PDGFB: variants seen among roughly 807,000 people sequenced by gnomAD.
The protein encoded by PDGFB is platelet-derived growth factor subunit B.
In PDGFB, 6 loss-of-function variants were observed where a neutral mutation model predicts 29.0. That is an observed-to-expected ratio of 0.21 (90% CI 0.11 to 0.41). PDGFB has a LOEUF of 0.41. Ranked by LOEUF, PDGFB falls within the 10% of genes least tolerant of loss-of-function variation. The pLI is 1.00. For synonymous variants in PDGFB, 144 were observed against 140.8 expected (o/e 1.02, Z -0.16); for missense variants, 299 against 341.8 (o/e 0.87, Z 0.99).
intron 5 of PDGFB, among the ~76,000 whole-genome samples, chr22:39,226,925 GT>G (rs1932180965): frequency 6.6e-6 from 1 of 152,210 alleles, no homozygotes; most frequent in South Asian, 2.1e-4. Context: ...ATTGGAGCAA[GT>G]CACTTAACTG....
At chr22:39,233,252 G>T (rs945468229) in intron 3 of PDGFB, among the ~76,000 whole-genome samples, 183 bp downstream of exon 3, 1 of 152,222 alleles carries the variant, frequency 6.6e-6, no homozygotes, top group Non-Finnish European at 1.5e-5. Context: ...GCGAGGGGCT[G>T]TGATGACTGA....
chr22:39,230,701 T>A (rs1164628564), intron 4 of PDGFB, among the ~76,000 whole-genome samples: 1 of 151,858 alleles, frequency 6.6e-6, no homozygotes, highest in Admixed American at 6.6e-5. Context: ...GAGTGGGCAG[T>A]GGGGTGGAGT....
chr22:39,233,516 C>T lies in PDGFB; in HGVS notation c.169G>A (p.Gly57Arg), dbSNP rs1165442073. 1 of 1,587,902 alleles carries T rather than the reference C, an allele frequency of 6.3e-7. No homozygotes were observed. Among genetic ancestry groups the T allele is most frequent in the African/African-American group, 1.4e-5 (1 of 72,940 alleles). Residue 57 changes from glycine (G) to arginine (R), a missense_variant, in exon 3 of 7, where the codon GGG (glycine) becomes AGG (arginine). By Grantham distance (125) the Gly-to-Arg change is moderately radical. Coordinates refer to ENST00000331163, the MANE Select transcript of PDGFB (RefSeq NM_002608.4). ...GTCATGTTCAGGTCCAACTCGGCCCCATCTTCCTCTGCAGGAGAAGTCACA... is the reference window on the plus strand; with the variant it reads ...GTCATGTTCAGGTCCAACTCGGCCCTATCTTCCTCTGCAGGAGAAGTCACA... ...LLHGDPGEED[G>R]AELDLNMTRS...
intron 5 of PDGFB, among the ~76,000 whole-genome samples, chr22:39,229,063 G>T (rs9622978): frequency 0.37 from 56,241 of 151,638 alleles, 10,974 homozygotes; most frequent in Middle Eastern, 0.49. Context: ...CCAAGAAATG[G>T]CTCCGTCTTC....
chr22:39,232,978 C>T lies in PDGFB; in HGVS notation c.250+457G>A, dbSNP rs368458832. Among the ~76,000 whole-genome samples the T allele has an allele frequency of 2.0e-3, 302 of 152,300 alleles. 1 individual carries two copies. Among genetic ancestry groups the T allele is most frequent in the Non-Finnish European group, 3.3e-3 (222 of 68,032 alleles). On this transcript the variant is annotated intron_variant, in intron 3 of 6. Transcript: ENST00000331163. ...GCAGGAGGAAGTTCCAGGCTTTGCT[C>T]GAGGTCTACCAGCCTAGGCCGCGGC...
rs756682899 is a variant in PDGFB, at chr22:39,235,865, T to C, written c.73A>G (p.Ile25Val). 5.0e-6 allele frequency: 8 copies of C among 1,613,306 alleles called. No homozygotes were observed. In the South Asian group the frequency reaches 7.7e-5, roughly 16 times the overall value. ...AGCATCTCATAAAGCTCCTCGGGAA[T>C]GGGGTCCCCCTGCCGGGCAGACACC... ...LRLVSAEGDP[I>V]PEELYEMLSD... Residue 25 changes from isoleucine to valine, a missense_variant, in exon 2 of 7, where the codon ATT (isoleucine) becomes GTT (valine). Transcript: ENST00000331163.
chr22:39,236,693 C>T (rs1424891971), intron 1 of PDGFB, among the ~76,000 whole-genome samples: 1 of 152,210 alleles, frequency 6.6e-6, no homozygotes. Context: ...GCCACGTCCC[C>T]CACAGTCCCA....
At chr22:39,230,263 A>C in intron 4 of PDGFB, 35 bp from the exon 5 acceptor site, 2 of 1,610,712 alleles carry the variant, frequency 1.2e-6, no homozygotes, top group Non-Finnish European at 1.7e-6. Context: ...CTCTGTAGAG[A>C]CCACACAGCC....
In PDGFB at chr22:39,244,316, G is replaced by A. The variant is rs1453382498; in HGVS notation, c.-353C>T. The A allele has an allele frequency of 1.4e-5, 3 of 207,426 alleles. No individual in the cohort carries two copies. In the East Asian group the frequency reaches 2.2e-4, roughly 15 times the overall value. The allele number at this position is 207,426 out of a possible 1,614,324, so 12.8% of individuals were successfully genotyped here. ...GCCCAGGGGACTCCAACCTCCAAGA[G>A]GAAAAGGAACACGGCAGTCGATGGT... On this transcript the variant is annotated 5_prime_UTR_variant, in exon 1 of 7. Coordinates refer to ENST00000331163, the MANE Select transcript of PDGFB (RefSeq NM_002608.4). The surrounding 1 kb of genome is among the most constrained non-coding windows in gnomAD (Gnocchi z 4.5).
At chr22:39,238,245 G>A (rs1200549236) in intron 1 of PDGFB, among the ~76,000 whole-genome samples, 1 of 152,182 alleles carries the variant, frequency 6.6e-6, no homozygotes, top group East Asian at 1.9e-4. Context: ...TCAAATGCAT[G>A]AAGGAGTCTA....
rs2146429427 is a variant in PDGFB at position 39,225,798 on chromosome 22, C to G, written c.651G>C (p.Arg217=). The part of the protein sequence containing the change: ...RVTIRTVRVR[R]PPKGKHRKFK... ...ATTTCCGGTGCTTGCCCTTGGGGGG[C>G]CGGCGGACTCGCACCGTCCGAATGG... The change falls in exon 6 of 7, where the codon CGG becomes CGC. Residue 217 remains arginine, a synonymous_variant. Transcript: ENST00000331163. 1.2e-6 allele frequency: 2 copies of G among 1,614,074 alleles called. No individual in the cohort carries two copies. The highest frequency in any genetic ancestry group is 1.7e-6 in the Non-Finnish European group (2 of 1,179,972).
Position 39,243,494 on chromosome 22 carries a change from GGCAGGACAGA to G in PDGFB, c.63+397_63+406del, listed in dbSNP as rs1932620664. Among the ~76,000 whole-genome samples the G allele has an allele frequency of 6.6e-6, 1 of 152,208 alleles. No homozygotes were observed. The highest frequency in any genetic ancestry group is 2.4e-5 in the African/African-American group (1 of 41,456). The stretch of plus-strand genomic sequence containing the variant: ...GCTTGCACCTCCTGGGCAAGCCGAT[GGCAGGACAGA>G]GCCTAAGCCGAGGCTGGCGCCGAAG... On this transcript the variant is annotated intron_variant, in intron 1 of 6. Transcript: ENST00000331163. The surrounding 1 kb of genome is among the most constrained non-coding windows in gnomAD (Gnocchi z 6.4).
intron 2 of PDGFB, among the ~76,000 whole-genome samples, chr22:39,234,099 G>T (rs931805793): frequency 6.6e-6 from 1 of 151,746 alleles, no homozygotes; most frequent in Non-Finnish European, 1.5e-5. Context: ...CCTGCTGGGG[G>T]TGGGGAGTCC....
intron 2 of PDGFB, 71 bp from the exon 3 acceptor site, chr22:39,233,595 T>C: frequency 9.0e-7 from 1 of 1,107,850 alleles, no homozygotes. Context: ...CCGGGGTGTC[T>C]GGGCAGGCGG....
rs150231718 is a variant in PDGFB, at chr22:39,241,594, G to A, written c.63+2307C>T. ...GAGCCCGTGGAGCTGTGGGAAAGAA[G>A]GAGGAGGTGCTGGACGAAGCTGGAA... On this transcript the variant is annotated intron_variant, in intron 1 of 6. Coordinates refer to ENST00000331163, the MANE Select transcript of PDGFB (RefSeq NM_002608.4). Among the ~76,000 whole-genome samples the A allele has an allele frequency of 1.7e-4, 26 of 152,382 alleles. No individual in the cohort carries two copies. The East Asian group carries it at 4.4e-3, about 26-fold the overall frequency.
At chr22:39,225,640 C>CT in intron 6 of PDGFB, 55 bp downstream of exon 6, 1 of 1,515,910 alleles carries the variant, frequency 6.6e-7, no homozygotes, top group South Asian at 1.2e-5. Context: ...CATCCACAGA[C>CT]CACAGAGAAG....
In PDGFB at chr22:39,226,058, C is replaced by T. The variant is rs538917077; in HGVS notation, c.602-211G>A. ...TGAAACTCTCTGAGCCTTGGCGCCT[C>T]CATCTGTGGAATGGGGGTAATAAGA... On this transcript the variant is annotated intron_variant, in intron 5 of 6. Transcript: ENST00000331163. Among the ~76,000 whole-genome samples, 5 of 152,274 alleles carry T rather than the reference C, an allele frequency of 3.3e-5. No homozygotes were observed. In the East Asian group the frequency reaches 9.6e-4, roughly 29 times the overall value.
chr22:39,228,263 C>T (rs1025206061), intron 5 of PDGFB, among the ~76,000 whole-genome samples: 16 of 152,328 alleles, frequency 1.1e-4, no homozygotes, highest in Middle Eastern at 6.8e-3. Context: ...TAGAAAATTA[C>T]GTCAAACAAA....
chr22:39,234,807 C>A (rs1932400539), intron 2 of PDGFB, among the ~76,000 whole-genome samples: 1 of 152,368 alleles, frequency 6.6e-6, no homozygotes, highest in South Asian at 2.1e-4. Context: ...CCGACCCCCA[C>A]CAGGGGTGTG....
Sources: allele counts gnomAD v4.1 joint callset (sites outside exome capture counted in the v4.1 genomes callset), GRCh38; gene constraint gnomAD v4.1.1; non-coding constraint Gnocchi (gnomAD v3.1); transcripts MANE v1.5; gene names NCBI Gene and HGNC (gene_info 2026-07-23, HGNC 2026-07-21).